Variants in CD109 observed in about 807,000 individuals in gnomAD.
CD109 encodes the protein CD109 antigen.
CD109 carries 149 observed loss-of-function variants against 165.8 expected under a neutral mutation model. The observed-to-expected ratio is 0.90, with a 90% confidence interval of 0.79 to 1.03. CD109 has a LOEUF of 1.03. CD109 is among the 50% of genes least tolerant of loss of function. The pLI, the probability that CD109 is intolerant of heterozygous loss-of-function variation, is 0.00. For missense variants in CD109, 1,712 were observed against 1,677.8 expected (o/e 1.02, Z -0.36); for synonymous variants, 585 against 592.1 (o/e 0.99, Z 0.18).
intron 23 of CD109, among the ~76,000 whole-genome samples, chr6:73,802,298 T>C (rs1392466318): frequency 4.8e-5 from 5 of 103,686 alleles, no homozygotes; most frequent in Admixed American, 1.0e-4. Context: ...TGTATATATA[T>C]ATATATATTT....
intron 22 of CD109, among the ~76,000 whole-genome samples, chr6:73,790,504 A>G (rs1394398399): frequency 1.3e-5 from 2 of 152,202 alleles, no homozygotes; most frequent in Non-Finnish European, 1.5e-5. Context: ...AAGGAGGTTT[A>G]TTATGAGGAA....
chr6:73,694,321 A>G (rs1770750010), upstream of CD109: 1 of 152,206 alleles, frequency 6.6e-6, no homozygotes, highest in Middle Eastern at 3.2e-3. Flanking sequence ...GCAAATCCAT[A>G]TGCCTAAATT....
chr6:73,698,740 C>T (rs1179044281), intron 2 of CD109, among the ~76,000 whole-genome samples: 1 of 152,062 alleles, frequency 6.6e-6, no homozygotes, highest in Non-Finnish European at 1.5e-5. Flanking sequence ...CACTTTTGTC[C>T]CTCATAGAAG....
chr6:73,747,727 C>G (rs976158246), intron 5 of CD109, among the ~76,000 whole-genome samples: 1 of 152,126 alleles, frequency 6.6e-6, no homozygotes, highest in Non-Finnish European at 1.5e-5. Flanking sequence ...CCTGGCTCCT[C>G]TGCAGCATTT....
chr6:73,699,575 T>C (rs1770983501), intron 2 of CD109, among the ~76,000 whole-genome samples: 1 of 152,104 alleles, frequency 6.6e-6, no homozygotes, highest in African/African-American at 2.4e-5. Flanking sequence ...AGTACCTACA[T>C]TGGGGTGCAT....
chr6:73,814,863 A>G, intron 29 of CD109, 118 bp from the exon 30 acceptor site: 2 of 546,186 alleles, frequency 3.7e-6, no homozygotes, highest in Non-Finnish European at 5.7e-6. Flanking sequence ...TCTAGTTTGA[A>G]GATTAAAAAT....
At chr6:73,757,538 T>C (rs1773443375) in intron 6 of CD109, among the ~76,000 whole-genome samples, 1 of 152,246 alleles carries the variant, frequency 6.6e-6, no homozygotes, top group East Asian at 1.9e-4. Flanking sequence ...TCTTGGTTCA[T>C]GCTGGTCATA....
intron 2 of CD109, 54 bp from the exon 3 acceptor site, chr6:73,723,197 T>C (rs990242286): frequency 3.4e-5 from 54 of 1,610,226 alleles, no homozygotes; most frequent in Non-Finnish European, 4.3e-5. Context: ...GTTTGTATTC[T>C]ATCATCATAT....
chr6:73,767,922 T>G, intron 13 of CD109, 133 bp from the exon 14 acceptor site: 4 of 735,692 alleles, frequency 5.4e-6, no homozygotes, highest in Non-Finnish European at 7.0e-6. Context: ...GAGGTTTTCC[T>G]GCATTCCAAA....
chr6:73,691,217 C>T (rs558969286), upstream of CD109, among the ~76,000 whole-genome samples: 19 of 152,326 alleles, frequency 1.2e-4, no homozygotes, highest in African/African-American at 4.1e-4. Context: ...AGAAAGGCAA[C>T]TAACTGCTCC....
At chr6:73,748,701 A>G (rs927976278) in intron 5 of CD109, among the ~76,000 whole-genome samples, 7 of 152,118 alleles carry the variant, frequency 4.6e-5, no homozygotes, top group Non-Finnish European at 8.8e-5. Context: ...TATTTATTAA[A>G]CCCACCACAG....
intron 2 of CD109, among the ~76,000 whole-genome samples, chr6:73,701,095 C>G: frequency 6.6e-6 from 1 of 150,512 alleles, no homozygotes. Context: ...GCCACCGTGC[C>G]CAGCGATTAT....
Position 73,823,733 on chromosome 6 carries a change from GT to G in CD109, c.*108del, listed in dbSNP as rs754329286. On this transcript the variant is annotated 3_prime_UTR_variant, in exon 33 of 33. Transcript: ENST00000287097. ...ATACTGCTTCTATTTTGAAAAAAGA[GT>G]TTTTTTTCTTTCTATGGGGTTGCAG... 7 of 1,180,680 alleles carry G rather than the reference GT, an allele frequency of 5.9e-6. No homozygotes were observed. The highest frequency in any genetic ancestry group is 3.1e-5 in the South Asian group (2 of 65,084). 73.1% of individuals were successfully genotyped at this position (1,180,680 alleles called of 1,614,324 possible). A position where few individuals can be genotyped will look rare whatever the true frequency, so the allele number is the denominator to read the frequency against.
chr6:73,802,303 A>AT (rs1306847119), intron 23 of CD109, among the ~76,000 whole-genome samples: 41 of 80,606 alleles, frequency 5.1e-4, no homozygotes, highest in African/African-American at 2.1e-3. Context: ...ATATATATAT[A>AT]TATTTTTTTT....
chr6:73,706,913 T>C (rs917323942), intron 2 of CD109, among the ~76,000 whole-genome samples: 1 of 152,214 alleles, frequency 6.6e-6, no homozygotes. Flanking sequence ...CTGCAATATA[T>C]GTTAAAGCTC....
At chr6:73,739,551 T>C (rs1040703118) in intron 5 of CD109, among the ~76,000 whole-genome samples, 6 of 152,182 alleles carry the variant, frequency 3.9e-5, no homozygotes, top group Non-Finnish European at 7.4e-5. Flanking sequence ...AAAATATTTA[T>C]TTTCAAGAAA....
At chr6:73,721,454 T>G (rs945486240) in intron 2 of CD109, among the ~76,000 whole-genome samples, 7 of 151,248 alleles carry the variant, frequency 4.6e-5, no homozygotes, top group African/African-American at 1.7e-4. Flanking sequence ...AAGCTCTGCC[T>G]CCTGGGTTCA....
intron 15 of CD109, among the ~76,000 whole-genome samples, chr6:73,775,786 C>T (rs146710142): frequency 0.011 from 1,735 of 152,210 alleles, 8 homozygotes; most frequent in Non-Finnish European, 0.02. Flanking sequence ...GTTTTCTGTT[C>T]CTGAGTTAGT....
intron 10 of CD109, 30 bp downstream of exon 10, chr6:73,763,715 A>T (rs1773729366): frequency 3.5e-6 from 4 of 1,134,234 alleles, no homozygotes; most frequent in Non-Finnish European, 5.2e-6. Flanking sequence ...TCCAGTCCAT[A>T]GCAGTAAGTT....
Sources: allele counts gnomAD v4.1 joint callset (sites outside exome capture counted in the v4.1 genomes callset), GRCh38; gene constraint gnomAD v4.1.1; transcripts MANE v1.5; gene names NCBI Gene and HGNC (gene_info 2026-07-23, HGNC 2026-07-21).